ZNF142: variants seen among roughly 807,000 people sequenced by gnomAD.
ZNF142 encodes zinc finger protein 142, also known as zinc finger protein 142 (clone pHZ-49).
In ZNF142, 96 loss-of-function variants were observed where a neutral mutation model predicts 132.1. That is an observed-to-expected ratio of 0.73 (90% CI 0.62 to 0.86). The LOEUF is 0.86. Among genes scored for constraint, ZNF142 ranks in the 40% least tolerant of loss-of-function variants. The pLI, the probability that ZNF142 is intolerant of heterozygous loss-of-function variation, is 0.00. For synonymous variants in ZNF142, 842 were observed against 890.1 expected (o/e 0.95, Z 0.96); for missense variants, 2,163 against 2,336.2 (o/e 0.93, Z 1.53).
chr2:218,648,577 A>T, intron 7 of ZNF142, 58 bp downstream of exon 7: 1 of 1,524,076 alleles, frequency 6.6e-7, no homozygotes, highest in East Asian at 2.3e-5. Flanking sequence ...GACCCTTTGT[A>T]GCCAGTATCA....
At chr2:218,648,516 A>G in intron 7 of ZNF142, 119 bp downstream of exon 7, 1 of 944,084 alleles carries the variant, frequency 1.1e-6, no homozygotes, top group Non-Finnish European at 1.6e-6. Context: ...TAAACTTGGA[A>G]TGCTAGATCT....
rs200532500 is a variant in ZNF142 at position 218,642,627 on chromosome 2, A to T, written c.4489T>A (p.Ser1497Thr). Reference sequence around the variant, plus strand: ...GCATGCTGCTTAAGTGCTGTCTCTGAGCTGAACTGGGCTTCACACTGGGAG... The same window carrying T: ...GCATGCTGCTTAAGTGCTGTCTCTGTGCTGAACTGGGCTTCACACTGGGAG... ...ACSQCEAQFS[S>T]ETALKQHALR... Residue 1497 changes from serine (S) to threonine (T), a missense_variant, in exon 9 of 11, where the codon TCA (serine) becomes ACA (threonine). Coordinates refer to ENST00000411696, the MANE Select transcript of ZNF142 (RefSeq NM_001379659.1). This position sits in a 1 kb window ranked among gnomAD's most constrained non-coding sequence, Gnocchi z 4.6. 6.2e-7 allele frequency: 1 copy of T among 1,613,906 alleles called. No individual in the cohort carries two copies. The highest frequency in any genetic ancestry group is 8.5e-7 in the Non-Finnish European group (1 of 1,180,000).
chr2:218,650,960 A>G (rs1049128616), intron 5 of ZNF142, among the ~76,000 whole-genome samples: 2 of 150,976 alleles, frequency 1.3e-5, no homozygotes, highest in African/African-American at 4.9e-5. Flanking sequence ...GTCTCCCTTG[A>G]AAGTTCCTAA....
At position 218,642,972 on chromosome 2, in the gene ZNF142, G is replaced by A. The variant is rs1369620233; in HGVS notation, c.4144C>T (p.Gln1382Ter). ...QCGDCGFTCKQSRCMQQHRRL... is the reference protein window; with the variant it reads ...QCGDCGFTCK ...CGGTGCTGCTGCATGCAACGGCTCT[G>A]TTTACAGGTGAAGCCACAGTCCCCA... The change falls in exon 9 of 11, where the codon CAG becomes TAG. Residue 1382 changes from glutamine to a stop codon, truncating the protein, a stop_gained. Transcript: ENST00000411696. LOFTEE classifies it high-confidence loss of function. This position sits in a 1 kb window ranked among gnomAD's most constrained non-coding sequence, Gnocchi z 4.6. The A allele has an allele frequency of 6.2e-7, 1 of 1,613,226 alleles. No homozygotes were observed. Among genetic ancestry groups the A allele is most frequent in the Non-Finnish European group, 8.5e-7 (1 of 1,179,774 alleles).
Position 218,633,353 on chromosome 2 carries a change from G to T in ZNF142, c.*4986C>A. The T allele has an allele frequency of 1.4e-6, 1 of 703,410 alleles. No individual in the cohort carries two copies. The highest frequency in any genetic ancestry group is 2.6e-6 in the Non-Finnish European group (1 of 385,244). The allele number at this position is 703,410 out of a possible 1,614,324, so 43.6% of individuals were successfully genotyped here. ...GTTGACACTGATCCCAGCAGTACAT[G>T]CAGACCGCCTTTATTCCCATTCCCA... is the stretch of plus-strand genomic sequence containing the variant. On this transcript the variant is annotated 3_prime_UTR_variant, in exon 11 of 11. Transcript: ENST00000411696.
chr2:218,641,750 T>C (rs982047003), intron 9 of ZNF142, among the ~76,000 whole-genome samples: 12 of 152,016 alleles, frequency 7.9e-5, no homozygotes, highest in East Asian at 1.9e-4. Flanking sequence ...TGCTGCCGAG[T>C]GGTCTTCAAC....
In ZNF142 at chr2:218,638,084, T is replaced by A; in HGVS notation, c.*255A>T. On this transcript the variant is annotated 3_prime_UTR_variant, in exon 11 of 11. Coordinates refer to ENST00000411696, the MANE Select transcript of ZNF142 (RefSeq NM_001379659.1). ...ATAGCCAGGGACTTTGATGGAGTGATGGTGAAGAAACTGAGAACTTGCAGG... is the reference window on the plus strand; with the variant it reads ...ATAGCCAGGGACTTTGATGGAGTGAAGGTGAAGAAACTGAGAACTTGCAGG... 2.8e-6 allele frequency: 1 copy of A among 351,974 alleles called. No homozygotes were observed. The highest frequency in any genetic ancestry group is 5.1e-6 in the Non-Finnish European group (1 of 197,000). The allele number at this position is 351,974 out of a possible 1,614,324, so 21.8% of individuals were successfully genotyped here.
Position 218,644,302 on chromosome 2 carries a change from CTCTGGTCCTTCCAGTCCA to C in ZNF142, c.2796_2813del (p.Asp932_Pro937del), listed in dbSNP as rs772471860. 4 of 1,614,158 alleles carry C rather than the reference CTCTGGTCCTTCCAGTCCA, an allele frequency of 2.5e-6. No individual in the cohort carries two copies. The highest frequency in any genetic ancestry group is 1.1e-5 in the South Asian group (1 of 91,082). On this transcript the variant is annotated inframe_deletion, in exon 9 of 11. Transcript: ENST00000411696. This position sits in a 1 kb window ranked among gnomAD's most constrained non-coding sequence, Gnocchi z 4.6. Reference sequence around the variant, plus strand: ...TCCCAATACCTTCAAAGCTAGATAGCTCTGGTCCTTCCAGTCCATCTGGCCCTTCCAGTCCCAGGGGCC... The same window carrying C: ...TCCCAATACCTTCAAAGCTAGATAGCTCTGGCCCTTCCAGTCCCAGGGGCC...
chr2:218,649,185 C>T lies in ZNF142; in HGVS notation c.1323G>A (p.Met441Ile). 1.2e-6 allele frequency: 2 copies of T among 1,614,226 alleles called. No homozygotes were observed. The highest frequency in any genetic ancestry group is 2.2e-5 in the South Asian group (2 of 91,084). The change falls in exon 7 of 11, where the codon ATG becomes ATA. Residue 441 changes from methionine (M) to isoleucine (I), a missense_variant. This residue lies in a region of ZNF142 where 749 missense variants were observed against 830.3 expected (regional missense o/e 0.90). Coordinates refer to ENST00000411696, the MANE Select transcript of ZNF142 (RefSeq NM_001379659.1). ...AGTAGAAGTTGGAAATATCTTCATGCATGCTGGCCATGTGGCGGTTGAGTG... is the reference window on the plus strand; with the variant it reads ...AGTAGAAGTTGGAAATATCTTCATGTATGCTGGCCATGTGGCGGTTGAGTG... ...RNALNRHMAS[M>I]HEDISNFYSD...
rs1463174372 is a variant in ZNF142 at position 218,644,128 on chromosome 2, TG to T, written c.2987del (p.Pro996HisfsTer12). On this transcript the variant is annotated frameshift_variant, in exon 9 of 11. Transcript: ENST00000411696. LOFTEE classifies it high-confidence loss of function. The surrounding 1 kb of genome is among the most constrained non-coding windows in gnomAD (Gnocchi z 4.6). Reference sequence around the variant, plus strand: ...TGAGTAATGACTCTGACTCAGGTAATGGGGGCAAGGGTGCTGTCTCAGCAGG... The same window carrying T: ...TGAGTAATGACTCTGACTCAGGTAATGGGGCAAGGGTGCTGTCTCAGCAGG... ...TPPAETAPLP[P>X]LPESESLLKA... 6.2e-7 allele frequency: 1 copy of T among 1,613,894 alleles called. No individual in the cohort carries two copies. The highest frequency in any genetic ancestry group is 8.5e-7 in the Non-Finnish European group (1 of 1,179,984).
chr2:218,635,647 A>T lies in ZNF142; in HGVS notation c.*2692T>A. On this transcript the variant is annotated 3_prime_UTR_variant, in exon 11 of 11. Transcript: ENST00000411696. ...CGTGCCCGGCCTTTGGGTGCATTTT[A>T]AATTGCAGATAGAATACTAGAAGAA... The T allele has an allele frequency of 1.7e-6, 2 of 1,188,780 alleles. No homozygotes were observed. Among genetic ancestry groups the T allele is most frequent in the Non-Finnish European group, 2.3e-6 (2 of 865,588 alleles). 73.6% of individuals were successfully genotyped at this position (1,188,780 alleles called of 1,614,324 possible). A position where few individuals can be genotyped will look rare whatever the true frequency, so the allele number is the denominator to read the frequency against.
chr2:218,650,580 T>C, intron 5 of ZNF142, 54 bp from the exon 6 acceptor site: 2 of 1,468,752 alleles, frequency 1.4e-6, no homozygotes, highest in South Asian at 2.8e-5. Context: ...CAGCACTAAA[T>C]GCTTATACTT....
rs546563370 is a variant in ZNF142 at position 218,648,896 on chromosome 2, T to C, written c.1612A>G (p.Lys538Glu). 1.2e-6 allele frequency: 2 copies of C among 1,614,152 alleles called. No individual in the cohort carries two copies. Among genetic ancestry groups the C allele is most frequent in the East Asian group, 2.2e-5 (1 of 44,886 alleles). Residue 538 changes from lysine (K) to glutamate (E), a missense_variant, in exon 7 of 11, where the codon AAG becomes GAG. Coordinates refer to ENST00000411696, the MANE Select transcript of ZNF142 (RefSeq NM_001379659.1). ...ATAEAMEAHH[K>E]SHYAFHCPHC... ...GGGCAGTGGAAGGCGTAGTGACTCT[T>C]GTGGTGGGCCTCCATGGCTTCGGCT... is the stretch of plus-strand genomic sequence containing the variant.
Position 218,634,196 on chromosome 2 carries a change from A to T in ZNF142, c.*4143T>A, listed in dbSNP as rs758283017. 14 of 1,611,562 alleles carry T rather than the reference A, an allele frequency of 8.7e-6. No homozygotes were observed. The highest frequency in any genetic ancestry group is 1.2e-5 in the Non-Finnish European group (14 of 1,178,914). ...ACTCTTCCAACTACAACCCCCAGGA[A>T]CTCTGGAATGCAGGCTGCCAGATGG... is the stretch of plus-strand genomic sequence containing the variant. On this transcript the variant is annotated 3_prime_UTR_variant, in exon 11 of 11. Transcript: ENST00000411696. The surrounding 1 kb of genome is among the most constrained non-coding windows in gnomAD (Gnocchi z 4.0).
rs1393147963 is a variant in ZNF142, at chr2:218,651,857, G to A, written c.724C>T (p.Leu242=). 7.8e-7 allele frequency: 1 copy of A among 1,289,914 alleles called. No homozygotes were observed. The highest frequency in any genetic ancestry group is 1.0e-6 in the Non-Finnish European group (1 of 988,888). 79.9% of individuals were successfully genotyped at this position (1,289,914 alleles called of 1,614,324 possible). The change falls in exon 5 of 11, where the codon CTG becomes TTG. Residue 242 remains leucine (L), a synonymous_variant. Coordinates refer to ENST00000411696, the MANE Select transcript of ZNF142 (RefSeq NM_001379659.1). ...LLFGSQQGME[L]HRQAHYPFHC... ...AAAGGGTAATGCGCCTGCCGGTGCA[G>A]CTCCATGCCCTGCTGGCTCCCGAAA... is the stretch of plus-strand genomic sequence containing the variant.
Position 218,652,132 on chromosome 2 carries a change from A to AGGGTT in ZNF142, c.444_448dup (p.Leu150GlnfsTer32). 2.2e-6 allele frequency: 1 copy of AGGGTT among 448,776 alleles called. No individual in the cohort carries two copies. Among genetic ancestry groups the AGGGTT allele is most frequent in the Non-Finnish European group, 4.5e-6 (1 of 222,186 alleles). The allele number at this position is 448,776 out of a possible 1,614,324, so 27.8% of individuals were successfully genotyped here. ...GCTCTGGCCCTGCAGAGGGCCAGGG[A>AGGGTT]GGGTTGGGTTGCTGGGAGGCAGCTC... On this transcript the variant is annotated frameshift_variant, in exon 5 of 11. Transcript: ENST00000411696. LOFTEE classifies it high-confidence loss of function.
In ZNF142 at chr2:218,636,756, TTC is replaced by T; in HGVS notation, c.*1581_*1582del. On this transcript the variant is annotated 3_prime_UTR_variant, in exon 11 of 11. Transcript: ENST00000411696. ...TCTGGGACCTGATTTTCCACCTTTTTTCTCTTTTCTTCCCTTCCTTTGTTTTC... is the reference window on the plus strand; with the variant it reads ...TCTGGGACCTGATTTTCCACCTTTTTTCTTTTCTTCCCTTCCTTTGTTTTC... 1.4e-6 allele frequency: 1 copy of T among 691,194 alleles called. No individual in the cohort carries two copies. The highest frequency in any genetic ancestry group is 2.5e-6 in the Non-Finnish European group (1 of 399,160). The allele number at this position is 691,194 out of a possible 1,614,324, so 42.8% of individuals were successfully genotyped here. A position where few individuals can be genotyped will look rare whatever the true frequency, so the allele number is the denominator to read the frequency against.
chr2:218,638,595 C>T lies in ZNF142; in HGVS notation c.5408G>A (p.Arg1803His), dbSNP rs370013089. ...YVCNVCHRAF[R>H]WAAGLRHHAL... ...ATGATGGCGCAGGCCAGCAGCCCAG[C>T]GGAAAGCACGGTGGCACACATTGCA... The change falls in exon 11 of 11, where the codon CGC (arginine) becomes CAC (histidine). Residue 1803 changes from arginine (R) to histidine (H), a missense_variant. Coordinates refer to ENST00000411696, the MANE Select transcript of ZNF142 (RefSeq NM_001379659.1). 17 of 1,613,002 alleles carry T rather than the reference C, an allele frequency of 1.1e-5. No homozygotes were observed. The highest frequency in any genetic ancestry group is 2.2e-5 in the East Asian group (1 of 44,862).
In ZNF142 at chr2:218,642,324, G is replaced by A. The variant is rs1265214128; in HGVS notation, c.4792C>T (p.His1598Tyr). ...AARERVGLVK[H>Y]YLEQHEETSA... ...GTCTCCTCATGCTGTTCCAGGTAGTGCTTTACCAGGCCCACCCGCTCCCGG... is the reference window on the plus strand; with the variant it reads ...GTCTCCTCATGCTGTTCCAGGTAGTACTTTACCAGGCCCACCCGCTCCCGG... The change falls in exon 9 of 11, where the codon CAC becomes TAC. Residue 1598 changes from histidine (H) to tyrosine (Y), a missense_variant. Around this residue, in one of 7 missense-constraint regions of ZNF142, gnomAD observed 17 missense variants for 35.9 expected, o/e 0.47. Transcript: ENST00000411696. The surrounding 1 kb of genome is among the most constrained non-coding windows in gnomAD (Gnocchi z 4.6). The A allele has an allele frequency of 3.7e-6, 6 of 1,613,892 alleles. No individual in the cohort carries two copies. Among genetic ancestry groups the A allele is most frequent in the Non-Finnish European group, 5.1e-6 (6 of 1,180,040 alleles).
Sources: allele counts gnomAD v4.1 joint callset (sites outside exome capture counted in the v4.1 genomes callset), GRCh38; gene constraint gnomAD v4.1.1; regional missense constraint gnomAD v4.1.1; non-coding constraint Gnocchi (gnomAD v3.1); transcripts MANE v1.5; gene names NCBI Gene and HGNC (gene_info 2026-07-23, HGNC 2026-07-21).